The following SCFD2 variants were observed in gnomAD, a reference collection of about 807,000 sequenced individuals.
SCFD2 encodes sec1 family domain containing 2, also known as sec1 family domain-containing protein 2.
SCFD2 carries 54 observed loss-of-function variants against 58.9 expected under a neutral mutation model. The ratio of observed to expected loss-of-function variants is 0.92; its 90% confidence interval spans 0.74 to 1.15. The LOEUF is 1.15. SCFD2 is among the 50% of genes most tolerant of loss of function. The pLI is 0.00. For missense variants in SCFD2, 805 were observed against 836.6 expected (o/e 0.96, Z 0.47); for synonymous variants, 321 against 335.9 (o/e 0.96, Z 0.49).
chr4:52,945,974 G>A (rs1341023270), intron 5 of SCFD2, among the ~76,000 whole-genome samples: 2 of 152,074 alleles, frequency 1.3e-5, no homozygotes, highest in Non-Finnish European at 2.9e-5. Flanking sequence ...AAAAGCAAAT[G>A]CTGCATCCTT....
chr4:53,256,038 C>A (rs879026466), intron 4 of SCFD2, among the ~76,000 whole-genome samples: 9 of 150,324 alleles, frequency 6.0e-5, no homozygotes, highest in Admixed American at 5.3e-4. Context: ...ACCTCCCTTC[C>A]GGACGGGGCG....
chr4:53,252,683 T>C (rs28876828), intron 4 of SCFD2, among the ~76,000 whole-genome samples: 71,386 of 151,830 alleles, frequency 0.47, 18,031 homozygotes, highest in Admixed American at 0.55. Context: ...GCTAGCCATA[T>C]GTAGAAAGCT....
intron 5 of SCFD2, among the ~76,000 whole-genome samples, chr4:53,116,973 A>G (rs1725342900): frequency 6.6e-6 from 1 of 152,210 alleles, no homozygotes; most frequent in Admixed American, 6.5e-5. Flanking sequence ...CTGATGAAGA[A>G]AGAAAACCAA....
At chr4:52,894,716 G>A (rs999158701) in intron 7 of SCFD2, among the ~76,000 whole-genome samples, 8 of 152,140 alleles carry the variant, frequency 5.3e-5, no homozygotes, top group Non-Finnish European at 7.3e-5. Context: ...AGCTTTGTGT[G>A]GCTAACCGCA....
Position 53,240,898 on chromosome 4 carries a change from C to T in SCFD2, c.1311+32928G>A, listed in dbSNP as rs138165639. Among the ~76,000 whole-genome samples the T allele has an allele frequency of 1.6e-3, 249 of 152,294 alleles. 3 individuals carry two copies. The highest frequency in any genetic ancestry group is 0.014 in the Middle Eastern group (4 of 294). Reference sequence around the variant, plus strand: ...CCTCTCCAAGATGGTCAACTAGACACGGCCAGGAGGAACACCTCCCACACC... The same window carrying T: ...CCTCTCCAAGATGGTCAACTAGACATGGCCAGGAGGAACACCTCCCACACC... On this transcript the variant is annotated intron_variant, in intron 4 of 8. Transcript: ENST00000401642.
intron 5 of SCFD2, among the ~76,000 whole-genome samples, chr4:52,954,784 C>A (rs191537517): frequency 2.6e-5 from 4 of 152,098 alleles, no homozygotes; most frequent in Non-Finnish European, 2.9e-5. Context: ...AAAGAGCTGG[C>A]GGTTTTGCAG....
intron 4 of SCFD2, among the ~76,000 whole-genome samples, chr4:53,251,472 C>T (rs1560412211): frequency 2.0e-5 from 3 of 152,092 alleles, no homozygotes; most frequent in Non-Finnish European, 2.9e-5. Context: ...AACATTGATG[C>T]AAAAATCCTC....
chr4:52,946,927 G>A (rs992192303), intron 5 of SCFD2, among the ~76,000 whole-genome samples: 5 of 152,110 alleles, frequency 3.3e-5, no homozygotes, highest in African/African-American at 1.2e-4. Flanking sequence ...CAGGCTCGAT[G>A]GCACTGTCCT....
chr4:53,245,716 C>A (rs1196444726), intron 4 of SCFD2, among the ~76,000 whole-genome samples: 2 of 152,036 alleles, frequency 1.3e-5, no homozygotes, highest in East Asian at 3.9e-4. Context: ...ATAGTAAGGA[C>A]CATCTATGCC....
intron 4 of SCFD2, among the ~76,000 whole-genome samples, chr4:53,236,763 T>G (rs954989161): frequency 2.0e-5 from 3 of 150,926 alleles, no homozygotes; most frequent in African/African-American, 7.3e-5. Context: ...AGGGTTATTT[T>G]AACTAGGATA....
intron 4 of SCFD2, among the ~76,000 whole-genome samples, chr4:53,238,463 C>T (rs1170556552): frequency 6.6e-6 from 1 of 151,210 alleles, no homozygotes; most frequent in Non-Finnish European, 1.5e-5. Flanking sequence ...GACCCCCCCA[C>T]CTCCCTCCCG....
At chr4:52,901,982 A>C (rs1274116719) in intron 7 of SCFD2, among the ~76,000 whole-genome samples, 2 of 152,230 alleles carry the variant, frequency 1.3e-5, no homozygotes, top group Non-Finnish European at 2.9e-5. Context: ...TCTGTGAGCC[A>C]TTTCCAAGTA....
At chr4:53,291,272 C>A (rs1056763577) in intron 3 of SCFD2, among the ~76,000 whole-genome samples, 1 of 151,798 alleles carries the variant, frequency 6.6e-6, no homozygotes, top group African/African-American at 2.4e-5. Context: ...TTATCCCTGG[C>A]ATGTAAGGCT....
chr4:53,197,206 A>G (rs1728084583), intron 4 of SCFD2, among the ~76,000 whole-genome samples: 1 of 152,142 alleles, frequency 6.6e-6, no homozygotes, highest in Non-Finnish European at 1.5e-5. Flanking sequence ...AAACAAAAGT[A>G]TGTATTATAC....
chr4:53,107,242 G>A (rs1725031550), intron 5 of SCFD2, among the ~76,000 whole-genome samples: 1 of 152,142 alleles, frequency 6.6e-6, no homozygotes, highest in Non-Finnish European at 1.5e-5. Context: ...AACATGGAAA[G>A]GAAAAACCGG....
intron 5 of SCFD2, among the ~76,000 whole-genome samples, chr4:53,139,594 C>A (rs1350367832): frequency 1.3e-5 from 2 of 148,848 alleles, no homozygotes; most frequent in Non-Finnish European, 3.0e-5. Context: ...AGGTGGGGGG[C>A]AGCCCCCGCC....
intron 7 of SCFD2, among the ~76,000 whole-genome samples, chr4:52,902,603 C>A (rs1229886151): frequency 6.6e-6 from 1 of 152,216 alleles, no homozygotes; most frequent in African/African-American, 2.4e-5. Flanking sequence ...CACAGTGTGG[C>A]AGGGATACAA....
chr4:53,095,865 C>G (rs1262493491), intron 5 of SCFD2, among the ~76,000 whole-genome samples: 2 of 151,836 alleles, frequency 1.3e-5, no homozygotes, highest in Non-Finnish European at 2.9e-5. Context: ...TGCTATCCCT[C>G]CCCCCATCCC....
chr4:53,352,844 C>T (rs1010462602), intron 1 of SCFD2, 78 bp from the exon 2 acceptor site: 1 of 1,216,834 alleles, frequency 8.2e-7, no homozygotes, highest in Non-Finnish European at 1.2e-6. Context: ...TATCACACAC[C>T]TTCTATCAAA....
Sources: gnomAD v4.1 joint callset for allele counts (sites outside exome capture counted in the v4.1 genomes callset) on GRCh38, gnomAD v4.1.1 for gene constraint, MANE v1.5 for transcripts, NCBI Gene and HGNC (gene_info 2026-07-23, HGNC 2026-07-21) for gene names.